The following ATP2B1 variants were observed in gnomAD, a reference collection of about 807,000 sequenced individuals.
The protein encoded by ATP2B1 is ATPase plasma membrane Ca2+ transporting 1.
In ATP2B1, 14 loss-of-function variants were observed where a neutral mutation model predicts 124.2. The ratio of observed to expected loss-of-function variants is 0.11; its 90% CI spans 0.07 to 0.18. ATP2B1 has a LOEUF of 0.18. Among genes scored for constraint, ATP2B1 ranks in the 10% least tolerant of loss-of-function variants. The pLI is 1.00. For missense variants in ATP2B1, 763 were observed against 1,466.1 expected, an observed-to-expected ratio of 0.52 and a Z score of 7.83; for synonymous variants, 449 against 492.4, an observed-to-expected ratio of 0.91 and a Z score of 1.17.
chr12:89,697,632 C>A (rs1215213859), intron 1 of ATP2B1, among the ~76,000 whole-genome samples: 2 of 149,688 alleles, frequency 1.3e-5, no homozygotes, highest in African/African-American at 2.5e-5. Flanking sequence ...CAAACTTATA[C>A]ATGCATAAAG....
chr12:89,627,372 T>C (rs1452031270), intron 7 of ATP2B1, among the ~76,000 whole-genome samples: 1 of 149,656 alleles, frequency 6.7e-6, no homozygotes, highest in African/African-American at 2.5e-5. Context: ...TATCTCATTA[T>C]GTACATGCAA....
intron 20 of ATP2B1, among the ~76,000 whole-genome samples, chr12:89,593,004 A>G (rs1873878724): frequency 1.3e-5 from 2 of 152,000 alleles, no homozygotes; most frequent in Non-Finnish European, 2.9e-5. Flanking sequence ...TTATAATTCC[A>G]TTCTATTTGA....
At chr12:89,636,163 G>A (rs1398451018) in intron 3 of ATP2B1, among the ~76,000 whole-genome samples, 1 of 151,938 alleles carries the variant, frequency 6.6e-6, no homozygotes, top group Non-Finnish European at 1.5e-5. Context: ...AAAAATCCAG[G>A]GAGAGATTAA....
At chr12:89,598,582 A>T (rs1434213932) in intron 20 of ATP2B1, 1 of 1,611,690 alleles carries the variant, frequency 6.2e-7, no homozygotes, top group Admixed American at 1.7e-5. Context: ...TTAGGAACAC[A>T]CACTCACACC....
intron 7 of ATP2B1, 138 bp from the exon 8 acceptor site, chr12:89,626,753 G>C: frequency 1.1e-6 from 1 of 924,352 alleles, no homozygotes; most frequent in Non-Finnish European, 1.5e-6. Flanking sequence ...GTGTGTGTGT[G>C]TGTCTACACA....
intron 20 of ATP2B1, chr12:89,598,464 C>T: frequency 8.6e-7 from 1 of 1,160,730 alleles, no homozygotes; most frequent in Non-Finnish European, 1.2e-6. Flanking sequence ...TCTCAATCCA[C>T]TTTACGAAAA....
rs146671959 is a variant in ATP2B1 at position 89,682,829 on chromosome 12, G to A, written c.-222+25767C>T. On this transcript the variant is annotated intron_variant, in intron 1 of 20. Transcript: ENST00000428670. Reference sequence around the variant, plus strand: ...TAAAAATCAGAGGTATTACATAAGCGTGATAAATTTGACCACAAAATTAAA... The same window carrying A: ...TAAAAATCAGAGGTATTACATAAGCATGATAAATTTGACCACAAAATTAAA... Among the ~76,000 whole-genome samples the A allele has an allele frequency of 2.6e-3, 394 of 152,250 alleles. 2 individuals are homozygous for A. Among genetic ancestry groups the A allele is most frequent in the African/African-American group, 8.1e-3 (338 of 41,570 alleles).
At chr12:89,598,289 T>C (rs1280744205) in intron 20 of ATP2B1, among the ~76,000 whole-genome samples, 1 of 152,180 alleles carries the variant, frequency 6.6e-6, no homozygotes, top group Non-Finnish European at 1.5e-5. Context: ...TACTCAAAAA[T>C]TTATAGTAGT....
Position 89,643,697 on chromosome 12 carries a change from C to T in ATP2B1, c.209-1342G>A, listed in dbSNP as rs532258212. ...TTGATCCTGTCAAACCCAGATATAT[C>T]CCAATTAGTTAATGCAAAGTGTGTA... is the stretch of plus-strand genomic sequence containing the variant. On this transcript the variant is annotated intron_variant, in intron 2 of 20. Coordinates refer to ENST00000428670, the MANE Select transcript of ATP2B1 (RefSeq NM_001366521.1). Among the ~76,000 whole-genome samples, 203 of 152,300 alleles carry T rather than the reference C, an allele frequency of 1.3e-3. 1 individual carries two copies. Among genetic ancestry groups the T allele is most frequent in the African/African-American group, 4.7e-3 (194 of 41,572 alleles).
intron 20 of ATP2B1, among the ~76,000 whole-genome samples, chr12:89,597,974 A>G (rs938806407): frequency 6.7e-6 from 1 of 150,364 alleles, no homozygotes; most frequent in African/African-American, 2.4e-5. Context: ...ACCCCAAACC[A>G]TAAATACCAC....
At chr12:89,640,229 T>G (rs1883298321) in intron 3 of ATP2B1, among the ~76,000 whole-genome samples, 1 of 152,212 alleles carries the variant, frequency 6.6e-6, no homozygotes, top group Admixed American at 6.5e-5. Context: ...CCCATTATTT[T>G]TTTTAAACAG....
In ATP2B1 at chr12:89,590,823, GCTTT is replaced by G. The variant is rs1031137246; in HGVS notation, c.*157_*160del. 1.3e-6 allele frequency: 1 copy of G among 779,226 alleles called. No individual in the cohort carries two copies. The highest frequency in any genetic ancestry group is 1.8e-5 in the African/African-American group (1 of 56,418). 48.3% of individuals were successfully genotyped at this position (779,226 alleles called of 1,614,324 possible). On this transcript the variant is annotated 3_prime_UTR_variant, in exon 21 of 21. Transcript: ENST00000428670. ...CACCCTCAGTCTGGCAGAAAGCTTT[GCTTT>G]TTTTTTTTTAAAAAAATAAATCTAC...
intron 2 of ATP2B1, among the ~76,000 whole-genome samples, chr12:89,647,098 T>A (rs1461111897): frequency 6.6e-6 from 1 of 152,200 alleles, no homozygotes; most frequent in Admixed American, 6.5e-5. Context: ...GTCCTAGTTT[T>A]AAAAATATAA....
chr12:89,599,735 A>T (rs1037560762), intron 19 of ATP2B1, among the ~76,000 whole-genome samples: 20 of 152,306 alleles, frequency 1.3e-4, no homozygotes, highest in African/African-American at 4.8e-4. Flanking sequence ...TTTTTAAAAA[A>T]ATCATTAAGG....
At chr12:89,640,090 C>G (rs1883278025) in intron 3 of ATP2B1, among the ~76,000 whole-genome samples, 1 of 152,016 alleles carries the variant, frequency 6.6e-6, no homozygotes, top group African/African-American at 2.4e-5. Flanking sequence ...TATTAGTGCT[C>G]ATAGACACAT....
intron 1 of ATP2B1, among the ~76,000 whole-genome samples, chr12:89,706,996 A>G (rs1267496357): frequency 2.1e-5 from 3 of 144,110 alleles, no homozygotes; most frequent in Non-Finnish European, 4.6e-5. Flanking sequence ...CATTTCATAT[A>G]CTAGCTATCA....
chr12:89,591,273 C>T lies in ATP2B1; in HGVS notation c.3374G>A (p.Arg1125His), dbSNP rs1477181244. 4.3e-6 allele frequency: 7 copies of T among 1,609,800 alleles called. No homozygotes were observed. The highest frequency in any genetic ancestry group is 2.2e-5 in the East Asian group (1 of 44,842). The change falls in exon 21 of 21, where the codon CGT (arginine) becomes CAT (histidine). Residue 1125 changes from arginine to histidine, a missense_variant. By Grantham distance (29) the Arg-to-His change is conservative (BLOSUM62 0). Transcript: ENST00000428670. Reference sequence around the variant, plus strand: ...TTCTAACCCTTCATATAAAGAACTACGAAATGCATTCACCACTCGAATCTG... The same window carrying T: ...TTCTAACCCTTCATATAAAGAACTATGAAATGCATTCACCACTCGAATCTG... ...QTQIRVVNAF[R>H]SSLYEGLEKP...
intron 7 of ATP2B1, among the ~76,000 whole-genome samples, 180 bp from the exon 8 acceptor site, chr12:89,626,795 T>G (rs1331492973): frequency 6.6e-6 from 1 of 152,184 alleles, no homozygotes; most frequent in African/African-American, 2.4e-5. Context: ...CGTTAGGTTG[T>G]GAAACTTTGT....
Position 89,616,960 on chromosome 12 carries a change from T to C in ATP2B1, c.1909A>G (p.Ile637Val). 1 of 1,614,116 alleles carries C rather than the reference T, an allele frequency of 6.2e-7. No homozygotes were observed. Among genetic ancestry groups the C allele is most frequent in the African/African-American group, 1.3e-5 (1 of 75,050 alleles). Reference protein sequence around the residue: ...RDRDDIVKTVIEPMASEGLRT... With the variant: ...RDRDDIVKTVVEPMASEGLRT... ...AAGCCTTCTGATGCCATCGGTTCAA[T>C]CACAGTTTTTACAATATCATCACGG... is the stretch of plus-strand genomic sequence containing the variant. The change falls in exon 12 of 21, where the codon ATT becomes GTT. Residue 637 changes from isoleucine to valine, a missense_variant. By Grantham distance (29) the Ile-to-Val change is conservative. This residue lies in a region of ATP2B1 where 392 missense variants were observed against 776.6 expected (regional missense o/e 0.50). Transcript: ENST00000428670.
Sources: allele counts gnomAD v4.1 joint callset (sites outside exome capture counted in the v4.1 genomes callset), GRCh38; gene constraint gnomAD v4.1.1; regional missense constraint gnomAD v4.1.1; transcripts MANE v1.5; gene names NCBI Gene and HGNC (gene_info 2026-07-23, HGNC 2026-07-21).